MOB3B: variants seen among roughly 807,000 people sequenced by gnomAD.
The protein encoded by MOB3B is MOB kinase activator 3B, also known as MOB kinase activator-like 2B.
MOB3B carries 7 observed loss-of-function variants against 18.7 expected under a neutral mutation model. The ratio of observed to expected loss-of-function variants is 0.37; its 90% CI spans 0.21 to 0.70. The LOEUF is 0.70. MOB3B is among the 30% of genes least tolerant of loss of function. The pLI, the probability that MOB3B is intolerant of heterozygous loss-of-function variation, is 0.52. For synonymous variants in MOB3B, 111 were observed against 99.9 expected (o/e 1.11, Z -0.66); for missense variants, 253 against 281.3 (o/e 0.90, Z 0.72).
chr9:27,370,046 G>T (rs1197696947), intron 2 of MOB3B, among the ~76,000 whole-genome samples: 2 of 150,824 alleles, frequency 1.3e-5, no homozygotes, highest in Non-Finnish European at 2.9e-5. Flanking sequence ...AGAACACGGT[G>T]GTTCTCCATA....
chr9:27,347,545 G>A (rs1458270936), intron 3 of MOB3B, among the ~76,000 whole-genome samples: 2 of 152,220 alleles, frequency 1.3e-5, no homozygotes, highest in Non-Finnish European at 2.9e-5. Flanking sequence ...GTAGGGTGGT[G>A]ATCGCTGCCA....
At chr9:27,338,651 A>C (rs890314276) in intron 3 of MOB3B, among the ~76,000 whole-genome samples, 3 of 152,244 alleles carry the variant, frequency 2.0e-5, no homozygotes, top group Non-Finnish European at 2.9e-5. Context: ...GGAACCGTAG[A>C]AGGTGGGAAC....
chr9:27,481,511 G>GGT (rs1819651908), intron 1 of MOB3B, among the ~76,000 whole-genome samples: 3 of 69,650 alleles, frequency 4.3e-5, no homozygotes, highest in African/African-American at 1.2e-4. Context: ...TTTTTTTTTT[G>GGT]TTTTTTTTGT....
chr9:27,519,934 G>A (rs1820297068), intron 1 of MOB3B, among the ~76,000 whole-genome samples: 1 of 151,944 alleles, frequency 6.6e-6, no homozygotes, highest in Non-Finnish European at 1.5e-5. Flanking sequence ...ACACAACCTT[G>A]TGATGACCAT....
intron 3 of MOB3B, among the ~76,000 whole-genome samples, chr9:27,338,390 G>A (rs1820892588): frequency 6.6e-6 from 1 of 152,142 alleles, no homozygotes; most frequent in Non-Finnish European, 1.5e-5. Flanking sequence ...AAGAGAGATA[G>A]AGGATCCCAG....
intron 3 of MOB3B, among the ~76,000 whole-genome samples, chr9:27,344,339 T>C (rs541969520): frequency 6.6e-6 from 1 of 152,360 alleles, no homozygotes; most frequent in South Asian, 2.1e-4. Context: ...CCCTCTGTTA[T>C]TGCTGTCAGT....
At chr9:27,346,776 C>G (rs1231008273) in intron 3 of MOB3B, among the ~76,000 whole-genome samples, 5 of 152,110 alleles carry the variant, frequency 3.3e-5, no homozygotes, top group Non-Finnish European at 7.4e-5. Context: ...GGATGGATCA[C>G]TTGAGGTCAG....
intron 1 of MOB3B, among the ~76,000 whole-genome samples, chr9:27,525,758 CAG>C (rs1233218443): frequency 1.3e-5 from 2 of 152,104 alleles, no homozygotes; most frequent in African/African-American, 4.8e-5. Context: ...ATAAAATGTC[CAG>C]AGTCATAATA....
At chr9:27,340,541 G>A (rs553205810) in intron 3 of MOB3B, among the ~76,000 whole-genome samples, 3 of 152,258 alleles carry the variant, frequency 2.0e-5, no homozygotes, top group South Asian at 2.1e-4. Flanking sequence ...TGTGGTCACT[G>A]TATCTCTGCA....
chr9:27,495,974 T>C (rs1180571692), intron 1 of MOB3B, among the ~76,000 whole-genome samples: 1 of 152,232 alleles, frequency 6.6e-6, no homozygotes, highest in Non-Finnish European at 1.5e-5. Context: ...CAACATCATT[T>C]ACAAAACAAT....
chr9:27,419,515 A>G (rs1822207788), intron 2 of MOB3B, among the ~76,000 whole-genome samples: 1 of 152,190 alleles, frequency 6.6e-6, no homozygotes, highest in African/African-American at 2.4e-5. Flanking sequence ...CTTACAGCCA[A>G]CCGATCTTCA....
intron 2 of MOB3B, among the ~76,000 whole-genome samples, chr9:27,441,307 C>A (rs967988572): frequency 6.6e-6 from 1 of 152,142 alleles, no homozygotes; most frequent in Non-Finnish European, 1.5e-5. Flanking sequence ...ATCTGAGCAA[C>A]CTTAGCCTAC....
intron 2 of MOB3B, among the ~76,000 whole-genome samples, chr9:27,404,502 C>T (rs1020372981): frequency 1.3e-5 from 2 of 151,826 alleles, no homozygotes; most frequent in Admixed American, 6.6e-5. Context: ...GCATTACAGG[C>T]ATGCACCACC....
intron 3 of MOB3B, among the ~76,000 whole-genome samples, chr9:27,355,046 T>G (rs1821166075): frequency 6.6e-6 from 1 of 152,222 alleles, no homozygotes; most frequent in Admixed American, 6.5e-5. Context: ...TATATCTTGC[T>G]CAAGTTTGCA....
At chr9:27,445,578 TC>T (rs1286904521) in intron 2 of MOB3B, among the ~76,000 whole-genome samples, 1 of 152,190 alleles carries the variant, frequency 6.6e-6, no homozygotes, top group African/African-American at 2.4e-5. Flanking sequence ...GCAGGCTTTT[TC>T]TTTTCCACTT....
At chr9:27,483,120 C>T (rs576901288) in intron 1 of MOB3B, among the ~76,000 whole-genome samples, 56 of 138,478 alleles carry the variant, frequency 4.0e-4, no homozygotes, top group Middle Eastern at 4.1e-3. Context: ...TACAAATATA[C>T]GGTACTTTTT....
chr9:27,428,784 G>A (rs1484741101), intron 2 of MOB3B, among the ~76,000 whole-genome samples: 2 of 152,170 alleles, frequency 1.3e-5, no homozygotes, highest in Non-Finnish European at 2.9e-5. Flanking sequence ...TGCTCAAGGG[G>A]ACCATGTGGG....
chr9:27,398,055 T>C lies in MOB3B; in HGVS notation c.419-38819A>G, dbSNP rs77710118. Among the ~76,000 whole-genome samples the C allele has an allele frequency of 7.2e-3, 1,093 of 152,358 alleles. 9 individuals are homozygous for C. Among genetic ancestry groups the C allele is most frequent in the Admixed American group, 0.02 (309 of 15,302 alleles). On this transcript the variant is annotated intron_variant, in intron 2 of 3. Transcript: ENST00000262244. ...AGGATCCAAAGATAAATTTATGGCA[T>C]GCCTTCTTCAGGAATCCCAGATCAG...
At chr9:27,447,940 C>A (rs1045313307) in intron 2 of MOB3B, among the ~76,000 whole-genome samples, 1 of 152,124 alleles carries the variant, frequency 6.6e-6, no homozygotes, top group African/African-American at 2.4e-5. Context: ...TTTAAAGGAA[C>A]AGAATCTTAG....
Sources: allele counts gnomAD v4.1 joint callset (sites outside exome capture counted in the v4.1 genomes callset), GRCh38; gene constraint gnomAD v4.1.1; transcripts MANE v1.5; gene names NCBI Gene and HGNC (gene_info 2026-07-23, HGNC 2026-07-21).